WNT5B: variants seen among roughly 807,000 people sequenced by gnomAD.
WNT5B encodes Wnt family member 5B.
Under a neutral mutation model 36.5 loss-of-function variants are expected in WNT5B, and 18 were observed. The ratio of observed to expected loss-of-function variants is 0.49; its 90% CI spans 0.34 to 0.73. The LOEUF is 0.73. Ranked by LOEUF, WNT5B falls within the 30% of genes least tolerant of loss-of-function variation. The pLI, the probability that WNT5B is intolerant of heterozygous loss-of-function variation, is 0.01. For missense variants in WNT5B, 424 were observed against 508.4 expected (o/e 0.83, Z 1.60); for synonymous variants, 213 against 212.3 (o/e 1.00, Z -0.03).
chr12:1,621,405 C>G (rs2094533633), intron 1 of WNT5B, among the ~76,000 whole-genome samples: 2 of 152,182 alleles, frequency 1.3e-5, no homozygotes, highest in Non-Finnish European at 1.5e-5. Context: ...ATCAAAAGGA[C>G]AGTATCCAGG....
chr12:1,624,377 CAAAAAAAAAA>C (rs34209948), upstream of WNT5B, among the ~76,000 whole-genome samples: 81 of 78,238 alleles, frequency 1.0e-3, no homozygotes, highest in East Asian at 0.027. Flanking sequence ...GACTCTGTCT[CAAAAAAAAAA>C]AAAAAAAAAA....
At chr12:1,629,102 C>CG (rs769775229), upstream of WNT5B, 3 of 151,694 alleles carry the variant, frequency 2.0e-5, no homozygotes, top group Non-Finnish European at 4.4e-5. Flanking sequence ...AAGCCCGGGG[C>CG]GGGGGATGGA....
At chr12:1,636,497 C>CCATA (rs1344102251) in intron 3 of WNT5B, among the ~76,000 whole-genome samples, 7 of 81,104 alleles carry the variant, frequency 8.6e-5, no homozygotes, top group African/African-American at 2.7e-4. Flanking sequence ...GTGTTGCAGT[C>CCATA]TATATATATA....
At chr12:1,623,714 C>T (rs889509404) in intron 1 of WNT5B, among the ~76,000 whole-genome samples, 13 of 152,184 alleles carry the variant, frequency 8.5e-5, no homozygotes, top group African/African-American at 2.9e-4. Flanking sequence ...CACGTGCACT[C>T]TGTACCTCAC....
In WNT5B at chr12:1,646,115, G is replaced by C. The variant is rs1282704125; in HGVS notation, c.943G>C (p.Glu315Gln). Residue 315 changes from glutamate (E) to glutamine (Q), a missense_variant, in exon 5 of 5, where the codon GAG (glutamate) becomes CAG (glutamine). Physicochemically the swap from Glu to Gln is conservative, Grantham distance 29 (BLOSUM62 2). Transcript: ENST00000397196. ...GACCTCGGAGGGCATGGATGGCTGT[G>C]AGCTCATGTGCTGCGGGCGTGGCTA... The part of the protein sequence containing the change: ...NKTSEGMDGC[E>Q]LMCCGRGYNQ... 6 of 1,613,894 alleles carry C rather than the reference G, an allele frequency of 3.7e-6. No individual in the cohort carries two copies. Among genetic ancestry groups the C allele is most frequent in the Non-Finnish European group, 4.2e-6 (5 of 1,180,052 alleles).
chr12:1,639,792 C>G lies in WNT5B; in HGVS notation c.437C>G (p.Thr146Arg), dbSNP rs375865925. ...CTCTCCACCTGCGGCTGCAGCCGGA[C>G]GGCGCGGCCCAAGGACCTGCCCCGG... ...GELSTCGCSRTARPKDLPRDW... is the reference protein window; with the variant it reads ...GELSTCGCSRRARPKDLPRDW... Residue 146 changes from threonine to arginine, a missense_variant, in exon 4 of 5, where the codon ACG becomes AGG. By Grantham distance (71) the Thr-to-Arg change is moderately conservative (BLOSUM62 -1). Coordinates refer to ENST00000397196, the MANE Select transcript of WNT5B (RefSeq NM_032642.3). The G allele has an allele frequency of 3.1e-6, 5 of 1,611,500 alleles. No individual in the cohort carries two copies. The highest frequency in any genetic ancestry group is 3.4e-5 in the Admixed American group (2 of 59,554).
chr12:1,625,979 CTTTTT>C (rs547219559), upstream of WNT5B, among the ~76,000 whole-genome samples: 3 of 134,420 alleles, frequency 2.2e-5, no homozygotes, highest in Non-Finnish European at 4.7e-5. Flanking sequence ...TTTTCTCTCT[CTTTTT>C]TTTTTTTTTT....
At position 1,630,320 on chromosome 12, in the gene WNT5B, G is replaced by A. The variant is rs766423557; in HGVS notation, c.-58+949G>A. On this transcript the variant is annotated intron_variant, in intron 1 of 4. Coordinates refer to ENST00000397196, the MANE Select transcript of WNT5B (RefSeq NM_032642.3). The surrounding 1 kb of genome is among the most constrained non-coding windows in gnomAD (Gnocchi z 5.3). ...GGGAGCCGCAGGGGCCGTGTGTCCCGAGGCGCAGGCTCGCTCTAGCAGCAC... is the reference window on the plus strand; with the variant it reads ...GGGAGCCGCAGGGGCCGTGTGTCCCAAGGCGCAGGCTCGCTCTAGCAGCAC... 1.2e-6 allele frequency: 1 copy of A among 809,424 alleles called. No homozygotes were observed. Among genetic ancestry groups the A allele is most frequent in the Non-Finnish European group, 1.5e-6 (1 of 669,030 alleles). 50.1% of individuals were successfully genotyped at this position (809,424 alleles called of 1,614,324 possible).
At chr12:1,637,301 A>G (rs2094563638) in intron 3 of WNT5B, among the ~76,000 whole-genome samples, 1 of 152,148 alleles carries the variant, frequency 6.6e-6, no homozygotes, top group African/African-American at 2.4e-5. Flanking sequence ...TTGTGTGGAC[A>G]TATGTTTTCC....
At chr12:1,635,794 A>G (rs1272106404) in intron 3 of WNT5B, among the ~76,000 whole-genome samples, 1 of 152,258 alleles carries the variant, frequency 6.6e-6, no homozygotes, top group African/African-American at 2.4e-5. Context: ...TGAGCCCCGT[A>G]GACCGGGTCC....
At position 1,646,386 on chromosome 12, in the gene WNT5B, A is replaced by G; in HGVS notation, c.*134A>G. 1.3e-6 allele frequency: 1 copy of G among 771,598 alleles called. No homozygotes were observed. The highest frequency in any genetic ancestry group is 1.8e-5 in the African/African-American group (1 of 55,518). The allele number at this position is 771,598 out of a possible 1,614,324, so 47.8% of individuals were successfully genotyped here. On this transcript the variant is annotated 3_prime_UTR_variant, in exon 5 of 5. Transcript: ENST00000397196. ...ATACAATGGAAAGATGAAAATGGAAAGGAAGAGCTTATTTAAGAGACGCTG... is the reference window on the plus strand; with the variant it reads ...ATACAATGGAAAGATGAAAATGGAAGGGAAGAGCTTATTTAAGAGACGCTG...
intron 3 of WNT5B, among the ~76,000 whole-genome samples, chr12:1,637,573 T>C (rs1330481677): frequency 1.1e-5 from 1 of 87,740 alleles, no homozygotes; most frequent in Admixed American, 1.4e-4. Context: ...TCGTCTCTAC[T>C]AAACATACAA....
At position 1,632,166 on chromosome 12, in the gene WNT5B, T is replaced by C. The variant is rs2094552172; in HGVS notation, c.81-492T>C. On this transcript the variant is annotated intron_variant, in intron 2 of 4. Coordinates refer to ENST00000397196, the MANE Select transcript of WNT5B (RefSeq NM_032642.3). The surrounding 1 kb of genome is among the most constrained non-coding windows in gnomAD (Gnocchi z 5.8). ...AAGGGAGTACCACGCAAAGGATTGA[T>C]TGCTTTCCATGGCTTATCATGTACT... Among the ~76,000 whole-genome samples, 1 of 152,220 alleles carries C rather than the reference T, an allele frequency of 6.6e-6. No individual in the cohort carries two copies. The highest frequency in any genetic ancestry group is 1.5e-5 in the Non-Finnish European group (1 of 68,036).
rs535803396 is a variant in WNT5B at position 1,639,617 on chromosome 12, CG to C, written c.329-61del. 5.4e-4 allele frequency: 776 copies of C among 1,424,304 alleles called. 1 individual carries two copies. In the African/African-American group the frequency reaches 8.9e-3, roughly 16 times the overall value. 88.2% of individuals were successfully genotyped at this position (1,424,304 alleles called of 1,614,324 possible). ...TGGCGTGCGGGTCCGTCGGGGGAGA[CG>C]GGGGGAAGGACAGGTCCCCGGGAGA... is the stretch of plus-strand genomic sequence containing the variant. On this transcript the variant is annotated intron_variant, in intron 3 of 4. Transcript: ENST00000397196.
chr12:1,626,957 T>C (rs545317089), upstream of WNT5B, among the ~76,000 whole-genome samples: 4 of 152,322 alleles, frequency 2.6e-5, no homozygotes, highest in East Asian at 7.7e-4. Context: ...CAAATATTTT[T>C]CTAGCAACTC....
At position 1,639,789 on chromosome 12, in the gene WNT5B, G is replaced by A. The variant is rs373230963; in HGVS notation, c.434G>A (p.Arg145Gln). The change falls in exon 4 of 5, where the codon CGG becomes CAG. Residue 145 changes from arginine (R) to glutamine (Q), a missense_variant. By Grantham distance (43) the Arg-to-Gln change is conservative. Coordinates refer to ENST00000397196, the MANE Select transcript of WNT5B (RefSeq NM_032642.3). ...GAGCTCTCCACCTGCGGCTGCAGCCGGACGGCGCGGCCCAAGGACCTGCCC... is the reference window on the plus strand; with the variant it reads ...GAGCTCTCCACCTGCGGCTGCAGCCAGACGGCGCGGCCCAAGGACCTGCCC... Reference protein sequence around the residue: ...EGELSTCGCSRTARPKDLPRD... With the variant: ...EGELSTCGCSQTARPKDLPRD... The A allele has an allele frequency of 1.9e-5, 30 of 1,611,492 alleles. No homozygotes were observed. Among genetic ancestry groups the A allele is most frequent in the Middle Eastern group, 3.3e-4 (2 of 6,022 alleles).
At chr12:1,624,933 A>G (rs1361426907), upstream of WNT5B, among the ~76,000 whole-genome samples, 2 of 151,954 alleles carry the variant, frequency 1.3e-5, no homozygotes, top group Non-Finnish European at 2.9e-5. Flanking sequence ...TGAGATTCTC[A>G]TGGGGTGGGG....
At chr12:1,627,283 G>T (rs2094542591), upstream of WNT5B, among the ~76,000 whole-genome samples, 1 of 152,228 alleles carries the variant, frequency 6.6e-6, no homozygotes, top group Non-Finnish European at 1.5e-5. The surrounding 1 kb of genome is among the most constrained non-coding windows in gnomAD (Gnocchi z 5.0). Context: ...TTCTGGATGT[G>T]ACGGTGCCTG....
At chr12:1,639,621 G>A in intron 3 of WNT5B, 63 bp from the exon 4 acceptor site, 2 of 1,430,264 alleles carry the variant, frequency 1.4e-6, no homozygotes, top group Non-Finnish European at 1.8e-6. Flanking sequence ...GGGAGACGGG[G>A]GGAAGGACAG....
Sources: allele counts gnomAD v4.1 joint callset (sites outside exome capture counted in the v4.1 genomes callset), GRCh38; gene constraint gnomAD v4.1.1; non-coding constraint Gnocchi (gnomAD v3.1); transcripts MANE v1.5; gene names NCBI Gene and HGNC (gene_info 2026-07-23, HGNC 2026-07-21).